The following TNRC18 variants were observed in gnomAD, a reference collection of about 807,000 sequenced individuals.
TNRC18 encodes the protein trinucleotide repeat containing 18, also known as trinucleotide repeat-containing gene 18 protein.
In TNRC18, 69 loss-of-function variants were observed where a neutral mutation model predicts 226.7. The ratio of observed to expected loss-of-function variants is 0.30; its 90% CI spans 0.25 to 0.37. The LOEUF (loss-of-function observed/expected upper bound fraction) is 0.37. Among genes scored for constraint, TNRC18 ranks in the 10% least tolerant of loss-of-function variants. The pLI, the probability that TNRC18 is intolerant of heterozygous loss-of-function variation, is 1.00. For synonymous variants in TNRC18, 2,449 were observed against 1,927.6 expected (o/e 1.27, Z -7.09); for missense variants, 4,754 against 4,256.6 (o/e 1.12, Z -3.25).
Position 5,377,719 on chromosome 7 carries a change from C to T in TNRC18, c.2256-143G>A. 9.2e-7 allele frequency: 1 copy of T among 1,086,696 alleles called. No homozygotes were observed. The highest frequency in any genetic ancestry group is 1.3e-6 in the Non-Finnish European group (1 of 758,056). The allele number at this position is 1,086,696 out of a possible 1,614,324, so 67.3% of individuals were successfully genotyped here. A position where few individuals can be genotyped will look rare whatever the true frequency, so the allele number is the denominator to read the frequency against. ...CTCGGAACTGAAGGGCCTCCCGGGG[C>T]CTTCCACACTCACTGTAGGGGCAGT... is the stretch of plus-strand genomic sequence containing the variant. On this transcript the variant is annotated intron_variant, in intron 6 of 29. Coordinates refer to ENST00000430969, the MANE Select transcript of TNRC18 (RefSeq NM_001080495.3). The surrounding 1 kb of genome is among the most constrained non-coding windows in gnomAD (Gnocchi z 5.8).
intron 18 of TNRC18, among the ~76,000 whole-genome samples, chr7:5,333,557 C>A (rs893489961): frequency 6.6e-6 from 1 of 152,306 alleles, no homozygotes; most frequent in East Asian, 1.9e-4. Context: ...CAGCAGCCCT[C>A]CTCCCACCCC....
rs1432832976 is a variant in TNRC18 at position 5,387,992 on chromosome 7, C to G, written c.1832G>C (p.Ser611Thr). Residue 611 changes from serine (S) to threonine (T), a missense_variant, in exon 5 of 30, where the codon AGC (serine) becomes ACC (threonine). Ser to Thr is a moderately conservative substitution (Grantham distance 58). Transcript: ENST00000430969. Reference sequence around the variant, plus strand: ...CATGGTGCCCAAACCTCCAAAGGGGCTCTTCTTGCCACAGCCACCAGGGCG... The same window carrying G: ...CATGGTGCCCAAACCTCCAAAGGGGGTCTTCTTGCCACAGCCACCAGGGCG... Reference protein sequence around the residue: ...AVRPGGCGKKSPFGGLGTMKP... With the variant: ...AVRPGGCGKKTPFGGLGTMKP... 3 of 1,589,920 alleles carry G rather than the reference C, an allele frequency of 1.9e-6. No homozygotes were observed. The highest frequency in any genetic ancestry group is 2.6e-6 in the Non-Finnish European group (3 of 1,169,588).
intron 2 of TNRC18, among the ~76,000 whole-genome samples, chr7:5,396,270 C>T (rs1327952004): frequency 8.2e-5 from 12 of 147,146 alleles, no homozygotes; most frequent in Non-Finnish European, 3.0e-5. Flanking sequence ...ATCACTTGAA[C>T]CCAGGAGGTG....
chr7:5,422,413 T>C (rs575785033), intron 1 of TNRC18, among the ~76,000 whole-genome samples: 2 of 138,220 alleles, frequency 1.4e-5, no homozygotes, highest in Non-Finnish European at 3.0e-5. Flanking sequence ...CCCCCACCTT[T>C]GGGTAAATCC....
intron 16 of TNRC18, among the ~76,000 whole-genome samples, chr7:5,352,357 G>T (rs1314120385): frequency 1.3e-5 from 2 of 151,382 alleles, no homozygotes; most frequent in South Asian, 4.1e-4. Flanking sequence ...ACTGGATGCT[G>T]CCAGCCTCAC....
At chr7:5,321,034 G>A in intron 22 of TNRC18, 39 bp downstream of exon 22, 3 of 1,430,316 alleles carry the variant, frequency 2.1e-6, no homozygotes, top group Non-Finnish European at 2.9e-6. Context: ...GGCGGGTATG[G>A]GACACGGGGC....
intron 3 of TNRC18, among the ~76,000 whole-genome samples, chr7:5,392,070 C>G (rs1464454119): frequency 6.6e-6 from 1 of 151,832 alleles, no homozygotes; most frequent in Non-Finnish European, 1.5e-5. Context: ...TCCACTGGGC[C>G]GATGTCTTCT....
chr7:5,366,851 T>C (rs986665031), intron 11 of TNRC18, among the ~76,000 whole-genome samples: 5 of 152,274 alleles, frequency 3.3e-5, no homozygotes, highest in African/African-American at 4.8e-5. Flanking sequence ...ACAAACCTAT[T>C]ATCCCTAAGC....
chr7:5,421,175 G>A lies in TNRC18; in HGVS notation c.72C>T (p.Ala24=). ...CCGCGCCCACGCGGTGGCTGTCCAT[G>A]GCCAGGCCGGACAGCAGCGGCGGCG... is the stretch of plus-strand genomic sequence containing the variant. ...GPPPPLLSGL[A]MDSHRVGAAT... is the part of the protein sequence containing the mutation. Residue 24 remains alanine, a synonymous_variant, in exon 2 of 30, where the codon GCC becomes GCT. Transcript: ENST00000430969. The A allele has an allele frequency of 7.1e-7, 1 of 1,400,568 alleles. No individual in the cohort carries two copies. Among genetic ancestry groups the A allele is most frequent in the Non-Finnish European group, 9.3e-7 (1 of 1,074,804 alleles). The allele number at this position is 1,400,568 out of a possible 1,614,324, so 86.8% of individuals were successfully genotyped here.
chr7:5,317,866 T>A, intron 24 of TNRC18, among the ~76,000 whole-genome samples: 1 of 151,426 alleles, frequency 6.6e-6, no homozygotes, highest in East Asian at 1.9e-4. Flanking sequence ...CCACCAAACC[T>A]GGATAATAAT....
intron 11 of TNRC18, among the ~76,000 whole-genome samples, chr7:5,366,378 G>C (rs1320387069): frequency 7.5e-6 from 1 of 134,218 alleles, no homozygotes; most frequent in Non-Finnish European, 1.5e-5. Context: ...GCCCAGGCTG[G>C]AGTGCAGTGA....
chr7:5,308,836 A>T, intron 29 of TNRC18, 39 bp downstream of exon 29: 1 of 1,242,802 alleles, frequency 8.0e-7, no homozygotes, highest in Non-Finnish European at 1.1e-6. Context: ...GGAAGCAGCC[A>T]TCCCCAACCC....
intron 4 of TNRC18, 116 bp downstream of exon 4, chr7:5,390,369 A>C (rs1780197228): frequency 8.5e-7 from 1 of 1,171,840 alleles, no homozygotes. Context: ...AAAAAAAAAA[A>C]AAAAAAAAAA....
intron 17 of TNRC18, among the ~76,000 whole-genome samples, chr7:5,347,558 C>T (rs1010418185): frequency 2.6e-5 from 4 of 152,012 alleles, no homozygotes; most frequent in Admixed American, 1.3e-4. Flanking sequence ...CTGGCAACTC[C>T]GGAGGCAGAA....
At chr7:5,316,128 C>T (rs888705620) in intron 24 of TNRC18, 56 bp from the exon 25 acceptor site, 296 of 1,381,292 alleles carry the variant, frequency 2.1e-4, no homozygotes, top group Admixed American at 2.9e-4. Context: ...TCCCTAGTGA[C>T]GCACAAGGGT....
intron 18 of TNRC18, 45 bp downstream of exon 18, chr7:5,345,517 G>GGGGGCCGCCCCCCCCCCCCCCCCC: frequency 2.6e-6 from 1 of 377,744 alleles, no homozygotes; most frequent in East Asian, 4.6e-5. Flanking sequence ...AATGGCGTCC[G>GGGGGCCGCCCCCCCCCCCCCCCCC]CCCCTCCCAC....
intron 26 of TNRC18, among the ~76,000 whole-genome samples, chr7:5,314,109 G>A (rs978834642): frequency 4.6e-5 from 7 of 151,872 alleles, no homozygotes; most frequent in Non-Finnish European, 1.0e-4. Context: ...ACAAGCATGC[G>A]CCACTATGCC....
At chr7:5,349,987 C>G (rs1212599693) in intron 17 of TNRC18, among the ~76,000 whole-genome samples, 1 of 152,180 alleles carries the variant, frequency 6.6e-6, no homozygotes, top group Non-Finnish European at 1.5e-5. Flanking sequence ...GCGGCGCCAG[C>G]CCGGAGCCCC....
chr7:5,352,814 T>C (rs1429811721), intron 16 of TNRC18, among the ~76,000 whole-genome samples: 1 of 152,338 alleles, frequency 6.6e-6, no homozygotes, highest in East Asian at 1.9e-4. Context: ...GCCCCCGCCA[T>C]GCTCACGCCA....
Sources: allele counts gnomAD v4.1 joint callset (sites outside exome capture counted in the v4.1 genomes callset), GRCh38; gene constraint gnomAD v4.1.1; non-coding constraint Gnocchi (gnomAD v3.1); transcripts MANE v1.5; gene names NCBI Gene and HGNC (gene_info 2026-07-23, HGNC 2026-07-21).